LRRC4C: variants seen among roughly 807,000 people sequenced by gnomAD.
LRRC4C encodes the protein leucine-rich repeat-containing protein 4C.
LRRC4C carries 5 observed loss-of-function variants against 33.6 expected under a neutral mutation model. The ratio of observed to expected loss-of-function variants is 0.15; its 90% CI spans 0.08 to 0.31. The LOEUF (loss-of-function observed/expected upper bound fraction) is 0.31, where lower values mean the gene tolerates loss of function less well. Ranked by LOEUF, LRRC4C falls within the 10% of genes least tolerant of loss-of-function variation. LRRC4C has a pLI of 1.00. For missense variants in LRRC4C, 560 were observed against 796.7 expected, an observed-to-expected ratio of 0.70 and a Z score of 3.58; for synonymous variants, 329 against 302.0, an observed-to-expected ratio of 1.09 and a Z score of -0.93.
At chr11:40,300,052 G>A (rs1039722379) in intron 4 of LRRC4C, among the ~76,000 whole-genome samples, 1 of 152,104 alleles carries the variant, frequency 6.6e-6, no homozygotes, top group Non-Finnish European at 1.5e-5. Flanking sequence ...GCCTCAGGGA[G>A]CTTCTACTCA....
chr11:40,720,338 G>A (rs964217293), intron 2 of LRRC4C, among the ~76,000 whole-genome samples: 7 of 152,070 alleles, frequency 4.6e-5, no homozygotes, highest in African/African-American at 1.7e-4. Flanking sequence ...AGAAAAGACT[G>A]GATTTCTACT....
intron 1 of LRRC4C, among the ~76,000 whole-genome samples, chr11:41,103,310 CT>C (rs1941307667): frequency 6.6e-6 from 1 of 151,890 alleles, no homozygotes; most frequent in African/African-American, 2.4e-5. Flanking sequence ...TAGTTCCATA[CT>C]TTGTCAAGGT....
chr11:40,930,968 A>G (rs1462624067), intron 2 of LRRC4C, among the ~76,000 whole-genome samples: 1 of 152,178 alleles, frequency 6.6e-6, no homozygotes, highest in Non-Finnish European at 1.5e-5. Context: ...ATCCCTTTCC[A>G]TGGACTGTAA....
intron 5 of LRRC4C, among the ~76,000 whole-genome samples, chr11:40,218,615 TATGTATGTATGTATGTATG>T (rs1565148487): frequency 2.5e-5 from 3 of 121,958 alleles, no homozygotes; most frequent in Admixed American, 1.6e-4. Context: ...TGTATGTATG[TATGTATGTATGTATGTATG>T]TATCTATTTA....
intron 1 of LRRC4C, among the ~76,000 whole-genome samples, chr11:41,116,657 G>A (rs1201828452): frequency 6.6e-6 from 1 of 152,082 alleles, no homozygotes; most frequent in African/African-American, 2.4e-5. Context: ...GTTAGACAAA[G>A]TGAGTTGCTA....
intron 6 of LRRC4C, among the ~76,000 whole-genome samples, chr11:40,133,564 C>A (rs1161949806): frequency 4.6e-5 from 7 of 152,142 alleles, no homozygotes; most frequent in Admixed American, 4.6e-4. Context: ...TAAGTATATT[C>A]TCTAACGCTA....
intron 3 of LRRC4C, among the ~76,000 whole-genome samples, chr11:40,335,821 C>G (rs577751886): frequency 4.6e-5 from 7 of 152,166 alleles, no homozygotes; most frequent in African/African-American, 1.4e-4. Context: ...AAGTAAGTAA[C>G]GCAGCCAAGT....
At chr11:41,127,374 T>G (rs186621468) in intron 1 of LRRC4C, among the ~76,000 whole-genome samples, 4 of 152,160 alleles carry the variant, frequency 2.6e-5, no homozygotes, top group Non-Finnish European at 4.4e-5. Flanking sequence ...GCCCATCTGC[T>G]GAAGAAATCT....
At chr11:40,569,984 A>C (rs1957918292) in intron 3 of LRRC4C, among the ~76,000 whole-genome samples, 1 of 152,056 alleles carries the variant, frequency 6.6e-6, no homozygotes, top group South Asian at 2.1e-4. Context: ...ATATGGTAAC[A>C]TTGTATAAAA....
At chr11:40,808,775 ATC>A (rs1951356995) in intron 2 of LRRC4C, among the ~76,000 whole-genome samples, 2 of 152,152 alleles carry the variant, frequency 1.3e-5, no homozygotes, top group African/African-American at 4.8e-5. Context: ...TTTCTTCAGC[ATC>A]TCAGCTAATA....
intron 1 of LRRC4C, among the ~76,000 whole-genome samples, chr11:41,378,922 T>G (rs575459368): frequency 6.7e-6 from 1 of 149,138 alleles, no homozygotes; most frequent in Admixed American, 6.7e-5. Flanking sequence ...CGGGAAGAGT[T>G]TTTTTTTTTT....
At chr11:41,449,354 C>A (rs748200331) in intron 1 of LRRC4C, among the ~76,000 whole-genome samples, 2 of 151,988 alleles carry the variant, frequency 1.3e-5, no homozygotes, top group South Asian at 2.1e-4. Context: ...GGCCATCAGG[C>A]GAGAGAATAA....
intron 1 of LRRC4C, among the ~76,000 whole-genome samples, chr11:40,978,268 T>C (rs1852229993): frequency 6.6e-6 from 1 of 152,200 alleles, no homozygotes; most frequent in African/African-American, 2.4e-5. Context: ...TTAACATCTT[T>C]CATGAGTTTC....
intron 1 of LRRC4C, among the ~76,000 whole-genome samples, chr11:41,214,537 C>G (rs924572571): frequency 5.6e-5 from 8 of 142,104 alleles, no homozygotes; most frequent in Admixed American, 5.1e-4. Context: ...CGAGACTAAC[C>G]TGGCTAACAC....
At chr11:40,330,175 T>A (rs1325588836) in intron 3 of LRRC4C, among the ~76,000 whole-genome samples, 2 of 152,108 alleles carry the variant, frequency 1.3e-5, no homozygotes, top group Non-Finnish European at 1.5e-5. Flanking sequence ...GTAGTAGAAT[T>A]TGAGGTGGTG....
chr11:41,244,997 G>A (rs1490789123), intron 1 of LRRC4C, among the ~76,000 whole-genome samples: 5 of 152,170 alleles, frequency 3.3e-5, no homozygotes, highest in African/African-American at 1.2e-4. Flanking sequence ...GTGGTTAATG[G>A]AATGGACTCT....
intron 2 of LRRC4C, among the ~76,000 whole-genome samples, chr11:40,670,854 C>T (rs905459279): frequency 9.9e-5 from 15 of 152,180 alleles, no homozygotes; most frequent in African/African-American, 3.6e-4. Context: ...AGCTCCGCCT[C>T]CCGGGTTCAC....
chr11:41,357,049 A>C, intron 1 of LRRC4C, among the ~76,000 whole-genome samples: 1 of 145,716 alleles, frequency 6.9e-6, no homozygotes, highest in Admixed American at 6.7e-5. Flanking sequence ...CCCAGAAATT[A>C]AAAAAAAATA....
intron 2 of LRRC4C, among the ~76,000 whole-genome samples, chr11:40,920,753 TA>T (rs1957138466): frequency 6.6e-6 from 1 of 152,116 alleles, no homozygotes; most frequent in African/African-American, 2.4e-5. Flanking sequence ...CCCATCCGAA[TA>T]TGACCATGTC....
Sources: allele counts gnomAD v4.1 joint callset (sites outside exome capture counted in the v4.1 genomes callset), GRCh38; gene constraint gnomAD v4.1.1; transcripts MANE v1.5; gene names NCBI Gene and HGNC (gene_info 2026-07-23, HGNC 2026-07-21).